The following CHEK2 variants were observed in gnomAD, a reference collection of about 807,000 sequenced individuals.
CHEK2 encodes the protein serine/threonine-protein kinase Chk2.
In CHEK2, 71 loss-of-function variants were observed where a neutral mutation model predicts 69.1. The ratio of observed to expected loss-of-function variants is 1.03; its 90% CI spans 0.85 to 1.25. CHEK2 has a LOEUF of 1.25. Among genes scored for constraint, CHEK2 ranks in the 50% most tolerant of loss-of-function variants. The probability of loss-of-function intolerance (pLI) is 0.00; values close to 1 mark genes in which losing one functional copy is unlikely to be tolerated. For synonymous variants in CHEK2, 189 were observed against 226.9 expected (o/e 0.83, Z 1.50); for missense variants, 664 against 649.6 (o/e 1.02, Z -0.24).
At chr22:28,730,586 G>A (rs754160818) in intron 2 of CHEK2, 10 of 666,500 alleles carry the variant, frequency 1.5e-5, no homozygotes, top group East Asian at 1.4e-4. Flanking sequence ...GGCCAGCCAC[G>A]GTGGCTCATG....
intron 2 of CHEK2, chr22:28,729,263 GC>G: frequency 3.8e-6 from 1 of 264,960 alleles, no homozygotes; most frequent in Non-Finnish European, 7.6e-6. Context: ...AACCCAGGAC[GC>G]CAGGCGCGGT....
At chr22:28,725,922 TGG>T (rs2053992177) in intron 2 of CHEK2, among the ~76,000 whole-genome samples, 4 of 99,362 alleles carry the variant, frequency 4.0e-5, no homozygotes, top group Non-Finnish European at 6.6e-5. Flanking sequence ...AAAAAAAAAA[TGG>T]CCAGGTGTGG....
At chr22:28,732,277 A>T (rs2054242290) in intron 2 of CHEK2, among the ~76,000 whole-genome samples, 1 of 151,996 alleles carries the variant, frequency 6.6e-6, no homozygotes, top group Non-Finnish European at 1.5e-5. Context: ...ATGCCCAGCT[A>T]ATTTTGTATT....
chr22:28,713,330 A>G (rs1485913718), intron 5 of CHEK2, among the ~76,000 whole-genome samples: 1 of 152,100 alleles, frequency 6.6e-6, no homozygotes, highest in East Asian at 1.9e-4. Flanking sequence ...CATTGTGACT[A>G]AAGCTGCTAT....
intron 1 of CHEK2, chr22:28,737,288 AT>A: frequency 4.2e-6 from 2 of 477,436 alleles, no homozygotes; most frequent in East Asian, 5.8e-5. Flanking sequence ...CAGCATACAA[AT>A]TTTTTTATTT....
At chr22:28,693,405 T>C (rs2052438713) in intron 13 of CHEK2, among the ~76,000 whole-genome samples, 1 of 152,124 alleles carries the variant, frequency 6.6e-6, no homozygotes, top group South Asian at 2.1e-4. Flanking sequence ...ACCCAGTCAC[T>C]TGGGCTTGAG....
At chr22:28,704,011 A>G (rs1485669739) in intron 7 of CHEK2, among the ~76,000 whole-genome samples, 1 of 152,126 alleles carries the variant, frequency 6.6e-6, no homozygotes, top group Non-Finnish European at 1.5e-5. Flanking sequence ...CCTCCAGGCA[A>G]TTGGACCCCA....
chr22:28,699,363 T>C (rs958108941), intron 9 of CHEK2, among the ~76,000 whole-genome samples: 16 of 11,792 alleles, frequency 1.4e-3, no homozygotes, highest in Non-Finnish European at 7.5e-3. Flanking sequence ...GAGCTTTTTC[T>C]TTTTTTTTTT....
At chr22:28,705,918 G>A (rs376087382) in intron 7 of CHEK2, among the ~76,000 whole-genome samples, 4 of 151,098 alleles carry the variant, frequency 2.6e-5, no homozygotes, top group African/African-American at 9.8e-5. Context: ...ACTCTAGCCT[G>A]GGCAACAAGA....
At position 28,741,169 on chromosome 22, in the gene CHEK2, A is replaced by AAAAG. The variant is rs1555935753; in HGVS notation, c.-7+596_-7+599dup. Among the ~76,000 whole-genome samples, 107 of 136,946 alleles carry AAAAG rather than the reference A, an allele frequency of 7.8e-4. 14 individuals carry two copies. The highest frequency in any genetic ancestry group is 8.7e-4 in the Non-Finnish European group (55 of 62,916). The allele number at this position is 136,946 out of a possible 152,430, so 89.8% of individuals were successfully genotyped here. On this transcript the variant is annotated intron_variant, in intron 1 of 14. Transcript: ENST00000404276. ...GTCTCAAAAAAAAAAAAAAAAAAAAAAAAGGTACAGATGGTAATCATATAT... is the reference window on the plus strand; with the variant it reads ...GTCTCAAAAAAAAAAAAAAAAAAAAAAAAGAAAGGTACAGATGGTAATCATATAT...
At position 28,740,072 on chromosome 22, in the gene CHEK2, G is replaced by A. The variant is rs993442982; in HGVS notation, c.-7+1697C>T. 3.3e-5 allele frequency among the ~76,000 whole-genome samples: 5 copies of A among 152,024 alleles called. No individual in the cohort carries two copies. The East Asian group carries it at 5.8e-4, about 18-fold the overall frequency. ...GAAACTTAGCTGGGCATGGTGGCGC[G>A]TGCCTGTAGTCCCAGCTACTCGGGA... On this transcript the variant is annotated intron_variant, in intron 1 of 14. Coordinates refer to ENST00000404276, the MANE Select transcript of CHEK2 (RefSeq NM_007194.4).
chr22:28,707,965 T>C (rs1308204401), intron 7 of CHEK2, among the ~76,000 whole-genome samples: 1 of 151,134 alleles, frequency 6.6e-6, no homozygotes, highest in Non-Finnish European at 1.5e-5. Flanking sequence ...GCCTCTCCAG[T>C]AGCTGGGACT....
chr22:28,707,929 C>T (rs1434171582), intron 7 of CHEK2, among the ~76,000 whole-genome samples: 2 of 151,236 alleles, frequency 1.3e-5, no homozygotes, highest in African/African-American at 2.4e-5. Context: ...CTCCGCCTCC[C>T]GGGTTCACGC....
chr22:28,691,311 C>A (rs1235272136), intron 13 of CHEK2, among the ~76,000 whole-genome samples: 1 of 152,080 alleles, frequency 6.6e-6, no homozygotes, highest in Admixed American at 6.5e-5. Context: ...GAAACCCCAT[C>A]TCTACTAAAA....
chr22:28,721,643 A>G, intron 4 of CHEK2: 1 of 461,654 alleles, frequency 2.2e-6, no homozygotes, highest in South Asian at 1.6e-5. Flanking sequence ...TATTAAAAAA[A>G]AAAAGATAAA....
intron 4 of CHEK2, among the ~76,000 whole-genome samples, chr22:28,719,816 C>T (rs1238574616): frequency 6.6e-6 from 1 of 152,082 alleles, no homozygotes; most frequent in African/African-American, 2.4e-5. Context: ...ATAAAATGCC[C>T]ATGCAGATTT....
intron 1 of CHEK2, among the ~76,000 whole-genome samples, chr22:28,739,413 G>A (rs1292182481): frequency 6.6e-6 from 1 of 152,146 alleles, no homozygotes; most frequent in African/African-American, 2.4e-5. Flanking sequence ...GTGAGGCCCG[G>A]GTGCAGTGGC....
rs781308692 is a variant in CHEK2 at position 28,711,927 on chromosome 22, A to G, written c.774T>C (p.Ile258=). 2 of 1,613,524 alleles carry G rather than the reference A, an allele frequency of 1.2e-6. No individual in the cohort carries two copies. Among genetic ancestry groups the G allele is most frequent in the South Asian group, 1.1e-5 (1 of 91,070 alleles). The change falls in exon 6 of 15, where the codon ATT becomes ATC. Residue 258 remains isoleucine (I), a synonymous_variant. Coordinates refer to ENST00000404276, the MANE Select transcript of CHEK2 (RefSeq NM_007194.4). ...TACTTACTGCCTCTCTTGCTGAACC[A>G]ATAGCAAACTTCCTTTTGCTGATGA... ...IKIISKRKFA[I]GSAREADPAL...
In CHEK2 at chr22:28,709,231, A is replaced by G. The variant is rs17881040; in HGVS notation, c.846+775T>C. On this transcript the variant is annotated intron_variant, in intron 7 of 14. Coordinates refer to ENST00000404276, the MANE Select transcript of CHEK2 (RefSeq NM_007194.4). ...CACAAAAAGATAAGAACTAGGCCAC[A>G]GACACCATTTAATCAGATATAAGGA... 6.8e-3 allele frequency among the ~76,000 whole-genome samples: 1,036 copies of G among 152,328 alleles called. 6 individuals are homozygous for G. Among genetic ancestry groups the G allele is most frequent in the African/African-American group, 6.7e-3 (277 of 41,570 alleles).
Sources: allele counts gnomAD v4.1 joint callset (sites outside exome capture counted in the v4.1 genomes callset), GRCh38; gene constraint gnomAD v4.1.1; transcripts MANE v1.5; gene names NCBI Gene and HGNC (gene_info 2026-07-23, HGNC 2026-07-21).